The following NVL variants were observed in gnomAD, a reference collection of about 807,000 sequenced individuals.
NVL encodes nuclear valosin-containing protein-like.
NVL carries 84 observed loss-of-function variants against 110.2 expected under a neutral mutation model. The ratio of observed to expected loss-of-function variants is 0.76; its 90% confidence interval spans 0.64 to 0.91. NVL has a LOEUF of 0.91. Ranked by LOEUF, NVL falls within the 40% of genes least tolerant of loss-of-function variation. The pLI is 0.00. For missense variants in NVL, 882 were observed against 1,035.9 expected (o/e 0.85, Z 2.04); for synonymous variants, 354 against 361.1 (o/e 0.98, Z 0.22).
intron 12 of NVL, 114 bp downstream of exon 12, chr1:224,294,153 A>G: frequency 8.7e-7 from 1 of 1,145,952 alleles, no homozygotes; most frequent in South Asian, 1.4e-5. Flanking sequence ...TTTAATTGGT[A>G]CAAAAAGAAA....
In NVL at chr1:224,236,626, C is replaced by A. The variant is rs546992877; in HGVS notation, c.2290-44G>T. ...TGATTTTTCATTGGAGCTTTAAAGA[C>A]CATGCCGGGTGCGATGGCTCATGCT... On this transcript the variant is annotated intron_variant, in intron 19 of 22. Coordinates refer to ENST00000281701, the MANE Select transcript of NVL (RefSeq NM_002533.4). 1.7e-5 allele frequency: 26 copies of A among 1,509,958 alleles called. No homozygotes were observed. In the Admixed American group the frequency reaches 3.5e-4, roughly 20 times the overall value. The allele number at this position is 1,509,958 out of a possible 1,614,324, so 93.5% of individuals were successfully genotyped here.
At chr1:224,311,882 T>G in intron 4 of NVL, 25 bp from the exon 5 acceptor site, 1 of 1,570,786 alleles carries the variant, frequency 6.4e-7, no homozygotes, top group South Asian at 1.1e-5. Flanking sequence ...GGAAAAATGT[T>G]TTAAAGACTT....
intron 19 of NVL, among the ~76,000 whole-genome samples, chr1:224,239,583 T>C (rs555809150): frequency 5.6e-4 from 86 of 152,264 alleles, no homozygotes; most frequent in African/African-American, 2.0e-3. Flanking sequence ...CCGCGTGCTG[T>C]TAGACAATCT....
intron 18 of NVL, among the ~76,000 whole-genome samples, chr1:224,254,572 G>GTTTTTTTTTT (rs71168400): frequency 1.3e-3 from 176 of 133,486 alleles, no homozygotes; most frequent in Middle Eastern, 3.9e-3. Context: ...TGTTTTTTTT[G>GTTTTTTTTTT]TTTTTTTTTT....
At chr1:224,233,781 AAAACT>A (rs1660166729) in intron 20 of NVL, among the ~76,000 whole-genome samples, 1 of 152,138 alleles carries the variant, frequency 6.6e-6, no homozygotes, top group African/African-American at 2.4e-5. Context: ...AAAACAAAAA[AAAACT>A]AAACTCAAGA....
chr1:224,233,172 G>A, intron 21 of NVL, 29 bp downstream of exon 21: 1 of 1,577,248 alleles, frequency 6.3e-7, no homozygotes, highest in Non-Finnish European at 8.7e-7. Flanking sequence ...ATCATAATTA[G>A]AATTGAGAGA....
chr1:224,289,765 T>C, intron 12 of NVL, 32 bp from the exon 13 acceptor site: 1 of 1,586,088 alleles, frequency 6.3e-7, no homozygotes, highest in Non-Finnish European at 8.6e-7. Context: ...AAATTTCTGA[T>C]TCCTGATCTA....
intron 14 of NVL, 84 bp from the exon 15 acceptor site, chr1:224,286,214 G>C: frequency 1.0e-6 from 1 of 1,004,596 alleles, no homozygotes. Context: ...CATATTTTAT[G>C]GTTTTTTTTT....
intron 22 of NVL, among the ~76,000 whole-genome samples, chr1:224,229,457 C>T (rs1295480985): frequency 3.3e-5 from 5 of 151,172 alleles, no homozygotes; most frequent in African/African-American, 9.7e-5. Context: ...TTTTTTGAGA[C>T]GGAGTCTCAA....
chr1:224,229,499 A>G (rs1240783206), intron 22 of NVL, among the ~76,000 whole-genome samples: 1 of 151,658 alleles, frequency 6.6e-6, no homozygotes, highest in African/African-American at 2.4e-5. Context: ...CAGTGGTGCA[A>G]TCTTGGCTCA....
At chr1:224,229,295 T>C (rs1312831526) in intron 22 of NVL, among the ~76,000 whole-genome samples, 1 of 148,946 alleles carries the variant, frequency 6.7e-6, no homozygotes, top group Admixed American at 6.7e-5. Flanking sequence ...AAACTCTGTC[T>C]CAAAAAAATA....
At chr1:224,262,077 T>A (rs1664048734) in intron 18 of NVL, among the ~76,000 whole-genome samples, 1 of 151,976 alleles carries the variant, frequency 6.6e-6, no homozygotes, top group Non-Finnish European at 1.5e-5. Context: ...CATTAATACC[T>A]CAATAATTGG....
chr1:224,288,790 T>C (rs1409099394), intron 13 of NVL, among the ~76,000 whole-genome samples: 2 of 152,162 alleles, frequency 1.3e-5, no homozygotes, highest in African/African-American at 4.8e-5. Context: ...TTATATAACA[T>C]ACAGAAGCCA....
At chr1:224,261,885 T>C (rs1231173738) in intron 18 of NVL, among the ~76,000 whole-genome samples, 1 of 151,868 alleles carries the variant, frequency 6.6e-6, no homozygotes, top group Non-Finnish European at 1.5e-5. Context: ...CTCTTGAGCC[T>C]AGGAGGTTGA....
intron 16 of NVL, among the ~76,000 whole-genome samples, chr1:224,277,810 T>G (rs1193334592): frequency 6.6e-6 from 1 of 152,190 alleles, no homozygotes; most frequent in Non-Finnish European, 1.5e-5. Flanking sequence ...CAAGTCCCAC[T>G]CTCACTATCT....
At chr1:224,307,148 AT>A (rs1669005442) in intron 6 of NVL, among the ~76,000 whole-genome samples, 1 of 152,148 alleles carries the variant, frequency 6.6e-6, no homozygotes, top group Non-Finnish European at 1.5e-5. Context: ...TTTACATTCT[AT>A]TTTTTTAGTG....
chr1:224,239,683 CTTG>C (rs1660940996), intron 19 of NVL, among the ~76,000 whole-genome samples: 2 of 152,134 alleles, frequency 1.3e-5, no homozygotes, highest in Non-Finnish European at 2.9e-5. Context: ...AAATTCTACC[CTTG>C]GGTTAAGCTG....
chr1:224,312,141 A>T (rs932191911), intron 4 of NVL: 14 of 246,776 alleles, frequency 5.7e-5, no homozygotes, highest in Non-Finnish European at 1.0e-4. Context: ...TTATGCATTT[A>T]CAAAATATAA....
At chr1:224,315,577 AT>A (rs1359866441) in intron 4 of NVL, among the ~76,000 whole-genome samples, 1 of 152,254 alleles carries the variant, frequency 6.6e-6, no homozygotes, top group Non-Finnish European at 1.5e-5. Context: ...AACACTGACC[AT>A]AACAAATATC....
Sources: allele counts gnomAD v4.1 joint callset (sites outside exome capture counted in the v4.1 genomes callset), GRCh38; gene constraint gnomAD v4.1.1; transcripts MANE v1.5; gene names NCBI Gene and HGNC (gene_info 2026-07-23, HGNC 2026-07-21).